The following ZNF48 variants were observed in gnomAD, a reference collection of about 807,000 sequenced individuals.
ZNF48 encodes the protein zinc finger protein 48.
ZNF48 carries 20 observed loss-of-function variants against 40.0 expected under a neutral mutation model. The ratio of observed to expected loss-of-function variants is 0.50; its 90% CI spans 0.35 to 0.73. The LOEUF is 0.73. Among genes scored for constraint, ZNF48 ranks in the 30% least tolerant of loss-of-function variants. The pLI is 0.01. For missense variants in ZNF48, 726 were observed against 851.9 expected (o/e 0.85, Z 1.84); for synonymous variants, 298 against 329.7 (o/e 0.90, Z 1.04).
intron 1 of ZNF48, chr16:30,380,104 T>C: frequency 7.7e-7 from 1 of 1,297,714 alleles, no homozygotes; most frequent in Non-Finnish European, 1.1e-6. Context: ...CCAGAGACAG[T>C]GAGACACAGA....
chr16:30,389,404 A>G (rs8063632), intron 1 of ZNF48, among the ~76,000 whole-genome samples: 1 of 141,894 alleles, frequency 7.0e-6, no homozygotes, highest in African/African-American at 2.6e-5. Context: ...AAAAAAAAAA[A>G]AATAATAATA....
chr16:30,390,293 C>T (rs1164874448), intron 1 of ZNF48, among the ~76,000 whole-genome samples: 1 of 152,178 alleles, frequency 6.6e-6, no homozygotes, highest in Non-Finnish European at 1.5e-5. Flanking sequence ...ATGAATATGG[C>T]AGGCATGCTG....
chr16:30,386,965 C>G (rs2049905719), intron 1 of ZNF48, among the ~76,000 whole-genome samples: 1 of 103,072 alleles, frequency 9.7e-6, no homozygotes, highest in Non-Finnish European at 1.8e-5. Flanking sequence ...TTTTTTGAGA[C>G]AGAGTCTTGC....
At position 30,381,806 on chromosome 16, in the gene ZNF48, G is replaced by T. The variant is rs139776214; in HGVS notation, c.-16+3396G>T. 6 of 1,614,026 alleles carry T rather than the reference G, an allele frequency of 3.7e-6. No homozygotes were observed. The African/African-American group carries it at 8.0e-5, about 22-fold the overall frequency. On this transcript the variant is annotated intron_variant, in intron 1 of 2. Coordinates refer to the ZNF48 transcript ENST00000528032. This position sits in a 1 kb window ranked among gnomAD's most constrained non-coding sequence, Gnocchi z 4.3. ...TCCCCAAAGCCAGGTGTGTCCACAA[G>T]GGTCAGCTTCACTTTCACACCCCCT...
In ZNF48 at chr16:30,397,869, C is replaced by T. The variant is rs1239003935; in HGVS notation, c.619C>T (p.Leu207=). ...CAAGAGCTTCCGGCAGAGTTCTGAC[C>T]TGGTGAAACACCAGCGGACACACAC... ...CGKSFRQSSD[L]VKHQRTHTGE... The change falls in exon 3 of 3, where the codon CTG becomes TTG. Residue 207 remains leucine, a synonymous_variant. Transcript: ENST00000613509. This position sits in a 1 kb window ranked among gnomAD's most constrained non-coding sequence, Gnocchi z 4.1. 2 of 1,614,078 alleles carry T rather than the reference C, an allele frequency of 1.2e-6. No individual in the cohort carries two copies. Among genetic ancestry groups the T allele is most frequent in the Non-Finnish European group, 1.7e-6 (2 of 1,180,030 alleles).
intron 1 of ZNF48, chr16:30,380,777 AAAG>A: frequency 3.4e-6 from 1 of 290,974 alleles, no homozygotes; most frequent in South Asian, 3.6e-5. Flanking sequence ...CTAAAAAAAA[AAAG>A]AGAGAGAAAG....
At position 30,397,225 on chromosome 16, in the gene ZNF48, T is replaced by G; in HGVS notation, c.80-105T>G. On this transcript the variant is annotated intron_variant, in intron 2 of 2. Coordinates refer to ENST00000613509, the MANE Select transcript of ZNF48 (RefSeq NM_001214909.2). This position sits in a 1 kb window ranked among gnomAD's most constrained non-coding sequence, Gnocchi z 4.1. Reference sequence around the variant, plus strand: ...GGTTGAGAGGACAGAGAGATTGGGGTTCCTGTGACCACAGATTGTCAAGGG... The same window carrying G: ...GGTTGAGAGGACAGAGAGATTGGGGGTCCTGTGACCACAGATTGTCAAGGG... 2 of 1,033,976 alleles carry G rather than the reference T, an allele frequency of 1.9e-6. No homozygotes were observed. Among genetic ancestry groups the G allele is most frequent in the South Asian group, 3.2e-5 (2 of 62,000 alleles). The allele number at this position is 1,033,976 out of a possible 1,614,324, so 64.1% of individuals were successfully genotyped here. A position where few individuals can be genotyped will look rare whatever the true frequency, so the allele number is the denominator to read the frequency against.
intron 1 of ZNF48, chr16:30,378,950 T>C: frequency 6.6e-7 from 1 of 1,504,840 alleles, no homozygotes; most frequent in South Asian, 1.2e-5. Context: ...TGGGGACGAG[T>C]CCTCAGGGCG....
At chr16:30,378,965 C>A in intron 1 of ZNF48, 2 of 1,571,010 alleles carry the variant, frequency 1.3e-6, no homozygotes, top group South Asian at 2.3e-5. Context: ...AGGGCGGGGT[C>A]ATGGGTGAGG....
At position 30,382,041 on chromosome 16, in the gene ZNF48, G is replaced by T; in HGVS notation, c.-16+3631G>T. 1 of 1,588,206 alleles carries T rather than the reference G, an allele frequency of 6.3e-7. No individual in the cohort carries two copies. The highest frequency in any genetic ancestry group is 1.1e-5 in the South Asian group (1 of 89,184). On this transcript the variant is annotated intron_variant, in intron 1 of 2. Coordinates refer to the ZNF48 transcript ENST00000528032. The surrounding 1 kb of genome is among the most constrained non-coding windows in gnomAD (Gnocchi z 4.8). ...GAGTCCCCAGATGGAAAAGACTAGG[G>T]TGTAACCTGGGGACAGGGGCTACTG... is the stretch of plus-strand genomic sequence containing the variant.
chr16:30,389,175 C>T (rs553043100), intron 1 of ZNF48, among the ~76,000 whole-genome samples: 1 of 151,658 alleles, frequency 6.6e-6, no homozygotes, highest in South Asian at 2.1e-4. Context: ...GGGCGGATCA[C>T]GAGGTCAGGA....
At chr16:30,389,194 T>C (rs2049923027) in intron 1 of ZNF48, among the ~76,000 whole-genome samples, 1 of 148,554 alleles carries the variant, frequency 6.7e-6, no homozygotes, top group Admixed American at 6.7e-5. Flanking sequence ...GAGATCGAGA[T>C]CATCCTGGCT....
rs2049840986 is a variant in ZNF48, at chr16:30,381,107, T to TCAGA, written c.-16+2698_-16+2701dup. ...GTTTGGCTTCACATGGGGTCAAAGG[T>TCAGA]CAGAGGTCATCACTCACACCTTCTG... On this transcript the variant is annotated intron_variant, in intron 1 of 2. Transcript: ENST00000528032. The surrounding 1 kb of genome is among the most constrained non-coding windows in gnomAD (Gnocchi z 4.3). The TCAGA allele has an allele frequency of 6.3e-7, 1 of 1,586,366 alleles. No individual in the cohort carries two copies. Among genetic ancestry groups the TCAGA allele is most frequent in the East Asian group, 2.2e-5 (1 of 44,752 alleles).
At chr16:30,394,021 T>G (rs1309178724), upstream of ZNF48, among the ~76,000 whole-genome samples, 1 of 151,506 alleles carries the variant, frequency 6.6e-6, no homozygotes, top group African/African-American at 2.4e-5. Context: ...CCCAGCCCAT[T>G]CTCTCTCTCT....
chr16:30,379,638 C>CCCTT (rs2049813287), intron 1 of ZNF48: 11 of 295,672 alleles, frequency 3.7e-5, no homozygotes, highest in Admixed American at 8.2e-5. Context: ...CTGCCCCTTC[C>CCCTT]TCTTTTTTTT....
Position 30,381,026 on chromosome 16 carries a change from T to A in ZNF48, c.-16+2616T>A. The A allele has an allele frequency of 1.1e-6, 1 of 941,366 alleles. No individual in the cohort carries two copies. The highest frequency in any genetic ancestry group is 1.7e-6 in the Non-Finnish European group (1 of 574,806). 58.3% of individuals were successfully genotyped at this position (941,366 alleles called of 1,614,324 possible). On this transcript the variant is annotated intron_variant, in intron 1 of 2. Transcript: ENST00000528032. The surrounding 1 kb of genome is among the most constrained non-coding windows in gnomAD (Gnocchi z 4.3). ...AAGCTTCTCCTACAATCTAGCCTGA[T>A]GCACCATGCTCCAGAAAGGCCACTT...
At chr16:30,385,280 G>T (rs1057331320) in intron 1 of ZNF48, among the ~76,000 whole-genome samples, 1 of 151,638 alleles carries the variant, frequency 6.6e-6, no homozygotes, top group African/African-American at 2.4e-5. Flanking sequence ...CTCCACCACC[G>T]GCCTTCCTCC....
At chr16:30,394,622 C>T (rs2049965429), upstream of ZNF48, 1 of 152,916 alleles carries the variant, frequency 6.5e-6, no homozygotes, top group Admixed American at 6.5e-5. Context: ...TCACTATCGT[C>T]TTTTGTTCCT....
Position 30,382,749 on chromosome 16 carries a change from C to T in ZNF48, c.-16+4339C>T. On this transcript the variant is annotated intron_variant, in intron 1 of 2. Coordinates refer to the ZNF48 transcript ENST00000528032. This position sits in a 1 kb window ranked among gnomAD's most constrained non-coding sequence, Gnocchi z 4.8. ...TGTCTACGTACCTTCAACCCTCCAT[C>T]CTTCACACATCTGGATTCCAAGTCC... The T allele has an allele frequency of 1.3e-6, 2 of 1,536,198 alleles. No homozygotes were observed. The highest frequency in any genetic ancestry group is 1.7e-6 in the Non-Finnish European group (2 of 1,146,804).
Sources: gnomAD v4.1 joint callset for allele counts (sites outside exome capture counted in the v4.1 genomes callset) on GRCh38, gnomAD v4.1.1 for gene constraint, Gnocchi (gnomAD v3.1) non-coding constraint, MANE v1.5 for transcripts, NCBI Gene and HGNC (gene_info 2026-07-23, HGNC 2026-07-21) for gene names.